Variants in ZNF599 observed in about 807,000 individuals in gnomAD.
The protein encoded by ZNF599 is zinc finger protein 599.
ZNF599 carries 10 observed loss-of-function variants against 11.7 expected under a neutral mutation model. The ratio of observed to expected loss-of-function variants is 0.86; its 90% CI spans 0.53 to 1.45. ZNF599 has a LOEUF of 1.45. Among genes scored for constraint, ZNF599 ranks in the 40% most tolerant of loss-of-function variants. ZNF599 has a pLI of 0.00. For missense variants in ZNF599, 688 were observed against 713.6 expected (o/e 0.96, Z 0.41); for synonymous variants, 232 against 253.2 (o/e 0.92, Z 0.79).
the ZNF599 span, among the ~76,000 whole-genome samples, chr19:34,790,648 A>T: frequency 6.6e-6 from 1 of 152,144 alleles, no homozygotes; most frequent in South Asian, 2.1e-4. Context: ...ATGGTGCAAA[A>T]TTTCAGTTAG....
At position 34,772,816 on chromosome 19, in the gene ZNF599, C is replaced by G. The variant is rs985363711; in HGVS notation, c.18+8G>C. The G allele has an allele frequency of 6.5e-6, 10 of 1,529,142 alleles. No homozygotes were observed. The African/African-American group carries it at 1.4e-4, about 22-fold the overall frequency. The allele number at this position is 1,529,142 out of a possible 1,614,324, so 94.7% of individuals were successfully genotyped here. A position where few individuals can be genotyped will look rare whatever the true frequency, so the allele number is the denominator to read the frequency against. On this transcript the variant is annotated splice_region_variant and intron_variant, in intron 1 of 3. Transcript: ENST00000329285. The stretch of plus-strand genomic sequence containing the variant: ...GAGCTCGCGCGGGCTGCGGAACCCT[C>G]CACTCACCAACGCCGGCGCCGCCAT...
the ZNF599 span, among the ~76,000 whole-genome samples, chr19:34,800,586 G>T: frequency 0.016 from 1,814 of 112,892 alleles, 48 homozygotes; most frequent in African/African-American, 0.052. Flanking sequence ...CATTTCCTTT[G>T]TTTTTTTTTT....
At position 34,759,434 on chromosome 19, in the gene ZNF599, C is replaced by T; in HGVS notation, c.1367G>A (p.Cys456Tyr). Residue 456 changes from cysteine (C) to tyrosine (Y), a missense_variant, in exon 4 of 4, where the codon TGT becomes TAT. Cys to Tyr is a radical substitution (Grantham distance 194). Transcript: ENST00000329285. ...AGAGTGGTGTGTAAAAGCCTTTCCA[C>T]ATTCACTGCACTCATAAGGCTTCTC... is the stretch of plus-strand genomic sequence containing the variant. Reference protein sequence around the residue: ...TGEKPYECSECGKAFTHHSVF... With the variant: ...TGEKPYECSEYGKAFTHHSVF... 1 of 1,614,160 alleles carries T rather than the reference C, an allele frequency of 6.2e-7. No individual in the cohort carries two copies. Among genetic ancestry groups the T allele is most frequent in the Non-Finnish European group, 8.5e-7 (1 of 1,179,984 alleles).
At chr19:34,790,066 T>C in the ZNF599 span, among the ~76,000 whole-genome samples, 18,022 of 152,224 alleles carry the variant, frequency 0.12, 1,211 homozygotes, top group South Asian at 0.17. Flanking sequence ...TCCCTCTGCA[T>C]GTGAATAGCC....
Position 34,759,755 on chromosome 19 carries a change from G to A in ZNF599, c.1046C>T (p.Thr349Met), listed in dbSNP as rs115820667. Residue 349 changes from threonine to methionine, a missense_variant, in exon 4 of 4, where the codon ACG becomes ATG. Transcript: ENST00000329285. ...YECGECGKAF[T>M]HRSTFIQHNV... ...GTGCTGGATAAATGTGGAGCGGTGC[G>A]TGAAGGCCTTTCCACATTCACCGCA... 3,520 of 1,614,122 alleles carry A rather than the reference G, an allele frequency of 2.2e-3. 67 individuals are homozygous for A. In the African/African-American group the frequency reaches 0.04, roughly 18 times the overall value.
upstream of ZNF599, among the ~76,000 whole-genome samples, chr19:34,776,783 C>G (rs1188263169): frequency 6.6e-6 from 1 of 152,202 alleles, no homozygotes; most frequent in South Asian, 2.1e-4. Flanking sequence ...CTCTGCAGAG[C>G]AGGGCTACCC....
At chr19:34,775,484 G>A (rs1338733952), upstream of ZNF599, among the ~76,000 whole-genome samples, 1 of 152,220 alleles carries the variant, frequency 6.6e-6, no homozygotes, top group Non-Finnish European at 1.5e-5. Context: ...GATTGCTTAG[G>A]GATGGTGGGT....
chr19:34,766,402 G>A (rs1426506274), intron 3 of ZNF599, among the ~76,000 whole-genome samples: 1 of 152,218 alleles, frequency 6.6e-6, no homozygotes, highest in Non-Finnish European at 1.5e-5. Flanking sequence ...TAAATGACGG[G>A]CTGGAGAAGG....
At chr19:34,767,212 T>C in intron 3 of ZNF599, 104 bp downstream of exon 3, 1 of 817,294 alleles carries the variant, frequency 1.2e-6, no homozygotes, top group East Asian at 2.6e-5. Flanking sequence ...GCTCCATGAC[T>C]GCTCAAGACC....
the ZNF599 span, chr19:34,779,549 A>G: frequency 2.2e-6 from 1 of 450,620 alleles, no homozygotes; most frequent in South Asian, 1.6e-5. Context: ...GTGTTGAAAG[A>G]GATCAGAGTA....
chr19:34,775,235 G>C (rs542982353), upstream of ZNF599, among the ~76,000 whole-genome samples: 1 of 152,302 alleles, frequency 6.6e-6, no homozygotes, highest in Non-Finnish European at 1.5e-5. Context: ...TTACAGCAAA[G>C]CAAGAACAAC....
the ZNF599 span, among the ~76,000 whole-genome samples, chr19:34,787,467 A>T: frequency 4.6e-5 from 7 of 152,220 alleles, no homozygotes; most frequent in African/African-American, 1.4e-4. Context: ...TTTTAAAAAT[A>T]GATCATGCAG....
At chr19:34,765,344 T>A (rs552310113) in intron 3 of ZNF599, 1 of 543,158 alleles carries the variant, frequency 1.8e-6, no homozygotes, top group South Asian at 2.7e-5. Flanking sequence ...GGAACATCCG[T>A]CTTGCTGGAG....
chr19:34,777,412 T>TATATATTATATATA (rs1458846107), upstream of ZNF599, among the ~76,000 whole-genome samples: 1 of 92,318 alleles, frequency 1.1e-5, no homozygotes, highest in African/African-American at 4.4e-5. Flanking sequence ...TTATATATAA[T>TATATATTATATATA]ATATATTAAT....
At chr19:34,777,411 A>AGC (rs2069224509), upstream of ZNF599, among the ~76,000 whole-genome samples, 2 of 90,360 alleles carry the variant, frequency 2.2e-5, no homozygotes, top group African/African-American at 8.9e-5. Flanking sequence ...ATTATATATA[A>AGC]TATATATTAA....
intron 1 of ZNF599, 93 bp from the exon 2 acceptor site, chr19:34,769,648 C>CTT: frequency 6.8e-7 from 1 of 1,475,104 alleles, no homozygotes; most frequent in Non-Finnish European, 9.2e-7. Flanking sequence ...TCCAGAGACC[C>CTT]TGAACCACTG....
the ZNF599 span, among the ~76,000 whole-genome samples, chr19:34,788,349 G>C: frequency 6.6e-6 from 1 of 152,104 alleles, no homozygotes; most frequent in African/African-American, 2.4e-5. Flanking sequence ...CCTAACCTAA[G>C]ATCTGAAGGC....
chr19:34,788,792 A>G, the ZNF599 span: 1 of 152,232 alleles, frequency 6.6e-6, no homozygotes, highest in Admixed American at 6.5e-5. Context: ...AGATGGGATA[A>G]AATGATTAAT....
chr19:34,768,564 A>G (rs1262440192), intron 2 of ZNF599, among the ~76,000 whole-genome samples: 2 of 152,232 alleles, frequency 1.3e-5, no homozygotes, highest in Non-Finnish European at 2.9e-5. Context: ...AATTTGTTAA[A>G]TGTAACAAAC....
Sources: allele counts gnomAD v4.1 joint callset (sites outside exome capture counted in the v4.1 genomes callset), GRCh38; gene constraint gnomAD v4.1.1; transcripts MANE v1.5; gene names NCBI Gene and HGNC (gene_info 2026-07-23, HGNC 2026-07-21).